The following OR5M3 variants were observed in gnomAD, a reference collection of about 807,000 sequenced individuals.
The protein encoded by OR5M3 is olfactory receptor family 5 subfamily M member 3, also known as olfactory receptor 5M3.
For missense variants in OR5M3, 384 were observed against 378.6 expected (o/e 1.01, Z -0.12); for synonymous variants, 129 against 131.3 (o/e 0.98, Z 0.12).
At chr11:56,472,118 A>G (rs1305172104) in intron 1 of OR5M3, among the ~76,000 whole-genome samples, 1 of 152,082 alleles carries the variant, frequency 6.6e-6, no homozygotes, top group African/African-American at 2.4e-5. Context: ...ACATTTTTCT[A>G]TGACTAGAGG....
At chr11:56,472,120 G>A (rs1337796955) in intron 1 of OR5M3, among the ~76,000 whole-genome samples, 1 of 152,002 alleles carries the variant, frequency 6.6e-6, no homozygotes, top group East Asian at 1.9e-4. Flanking sequence ...ATTTTTCTAT[G>A]ACTAGAGGAG....
rs1853644237 is a variant in OR5M3 at position 56,469,782 on chromosome 11, C to A, written c.716G>T (p.Cys239Phe). The change falls in exon 2 of 2, where the codon TGT becomes TTT. Residue 239 changes from cysteine (C) to phenylalanine (F), a missense_variant. Coordinates refer to ENST00000641993, the MANE Select transcript of OR5M3 (RefSeq NM_001004742.3). The stretch of plus-strand genomic sequence containing the variant: ...AATGACAGCTGTCAGATGGGACCCA[C>A]ATGTGGAAAAGGCCTTCTGCCTTCC... ...AEGRQKAFST[C>F]GSHLTAVIIF... 6.2e-7 allele frequency: 1 copy of A among 1,612,754 alleles called. No individual in the cohort carries two copies. The highest frequency in any genetic ancestry group is 8.5e-7 in the Non-Finnish European group (1 of 1,179,116).
chr11:56,469,816 A>G lies in OR5M3; in HGVS notation c.682T>C (p.Ser228Pro). ...AAGGCCTTCTGCCTTCCTTCTGCTG[A>G]GCGCATTCGCAGAATGGCAATGAGG... ...FILIAILRMR[S>P]AEGRQKAFST... The change falls in exon 2 of 2, where the codon TCA (serine) becomes CCA (proline). Residue 228 changes from serine to proline, a missense_variant. Transcript: ENST00000641993. 6.2e-7 allele frequency: 1 copy of G among 1,611,102 alleles called. No homozygotes were observed. The highest frequency in any genetic ancestry group is 8.5e-7 in the Non-Finnish European group (1 of 1,177,298).
Position 56,470,427 on chromosome 11 carries a change from A to G in OR5M3, c.71T>C (p.Leu24Pro), listed in dbSNP as rs1249828710. The change falls in exon 2 of 2, where the codon CTC becomes CCC. Residue 24 changes from leucine to proline, a missense_variant. By Grantham distance (98) the Leu-to-Pro change is moderately conservative. Coordinates refer to ENST00000641993, the MANE Select transcript of OR5M3 (RefSeq NM_001004742.3). ...GLTSRREWQV[L>P]FFIIFLVVYI... Reference sequence around the variant, plus strand: ...GACCACAAGAAAGATGATGAAGAAGAGAACTTGCCATTCTCGACGGCTCGT... The same window carrying G: ...GACCACAAGAAAGATGATGAAGAAGGGAACTTGCCATTCTCGACGGCTCGT... The G allele has an allele frequency of 1.9e-5, 30 of 1,613,018 alleles. No homozygotes were observed. Among genetic ancestry groups the G allele is most frequent in the African/African-American group, 2.7e-5 (2 of 74,878 alleles).
At chr11:56,472,241 T>A (rs541314489) in intron 1 of OR5M3, among the ~76,000 whole-genome samples, 13 of 152,070 alleles carry the variant, frequency 8.5e-5, no homozygotes, top group Admixed American at 4.6e-4. Context: ...TGAATAATAG[T>A]TAAAGTTCTA....
Position 56,470,220 on chromosome 11 carries a change from G to C in OR5M3, c.278C>G (p.Ala93Gly), listed in dbSNP as rs765257500. The C allele has an allele frequency of 5.0e-6, 8 of 1,613,624 alleles. No individual in the cohort carries two copies. In the South Asian group the frequency reaches 8.8e-5, roughly 18 times the overall value. Residue 93 changes from alanine (A) to glycine (G), a missense_variant, in exon 2 of 2, where the codon GCT (alanine) becomes GGT (glycine). By Grantham distance (60) the Ala-to-Gly change is moderately conservative. Transcript: ENST00000641993. ...LLSDKKTITY[A>G]GCLVQCFFFI... ...GAAGAAACACTGTACTAAACAACCAGCATAAGTAATTGTTTTTTTATCTGA... is the reference window on the plus strand; with the variant it reads ...GAAGAAACACTGTACTAAACAACCACCATAAGTAATTGTTTTTTTATCTGA...
chr11:56,469,397 TACTC>T lies in OR5M3; in HGVS notation c.*173_*176del, dbSNP rs1413173029. Reference sequence around the variant, plus strand: ...CTTATTTGTATGTAATTAATCTCCATACTCACATCAACAGAAATGAATCATTCCT... The same window carrying T: ...CTTATTTGTATGTAATTAATCTCCATACATCAACAGAAATGAATCATTCCT... On this transcript the variant is annotated 3_prime_UTR_variant, in exon 2 of 2. Transcript: ENST00000641993. 4.1e-6 allele frequency: 2 copies of T among 492,482 alleles called. No homozygotes were observed. Among genetic ancestry groups the T allele is most frequent in the African/African-American group, 3.9e-5 (2 of 50,756 alleles). The allele number at this position is 492,482 out of a possible 1,614,324, so 30.5% of individuals were successfully genotyped here.
chr11:56,471,666 T>C (rs1397225176), intron 1 of OR5M3, among the ~76,000 whole-genome samples: 1 of 151,818 alleles, frequency 6.6e-6, no homozygotes, highest in African/African-American at 2.4e-5. Flanking sequence ...TATACATATG[T>C]ATATATATAC....
rs1261721458 is a variant in OR5M3 at position 56,469,912 on chromosome 11, T to C, written c.586A>G (p.Thr196Ala). 4 of 1,612,684 alleles carry C rather than the reference T, an allele frequency of 2.5e-6. No individual in the cohort carries two copies. The highest frequency in any genetic ancestry group is 1.3e-5 in the African/African-American group (1 of 74,898). Residue 196 changes from threonine (T) to alanine (A), a missense_variant, in exon 2 of 2, where the codon ACA becomes GCA. By Grantham distance (58) the Thr-to-Ala change is moderately conservative. Coordinates refer to ENST00000641993, the MANE Select transcript of OR5M3 (RefSeq NM_001004742.3). ...TTAATGCCGGCAAGTATGATCATTG[T>C]ATATTCTTTTACAAAGGTCCCAGCA... Reference protein sequence around the residue: ...ACAGTFVKEYTMIILAGINFT... With the variant: ...ACAGTFVKEYAMIILAGINFT...
chr11:56,469,616 A>G lies in OR5M3; in HGVS notation c.882T>C (p.Asp294=). The change falls in exon 2 of 2, where the codon GAT becomes GAC. Residue 294 remains aspartate, a synonymous_variant. Coordinates refer to ENST00000641993, the MANE Select transcript of OR5M3 (RefSeq NM_001004742.3). The stretch of plus-strand genomic sequence containing the variant: ...TCACTTTCATCATGGCCTTTTTCAC[A>G]TCCTTGTTCCTCAGACTGTAGATCA... ...NPMIYSLRNK[D]VKKAMMKVIS... 6.6e-7 allele frequency: 1 copy of G among 1,516,476 alleles called. No individual in the cohort carries two copies. The allele number at this position is 1,516,476 out of a possible 1,614,324, so 93.9% of individuals were successfully genotyped here.
rs1853644237 is a variant in OR5M3, at chr11:56,469,782, C to T, written c.716G>A (p.Cys239Tyr). 1 of 1,612,754 alleles carries T rather than the reference C, an allele frequency of 6.2e-7. No homozygotes were observed. The highest frequency in any genetic ancestry group is 8.5e-7 in the Non-Finnish European group (1 of 1,179,116). Residue 239 changes from cysteine (C) to tyrosine (Y), a missense_variant, in exon 2 of 2, where the codon TGT becomes TAT. Coordinates refer to ENST00000641993, the MANE Select transcript of OR5M3 (RefSeq NM_001004742.3). ...AATGACAGCTGTCAGATGGGACCCA[C>T]ATGTGGAAAAGGCCTTCTGCCTTCC... is the stretch of plus-strand genomic sequence containing the variant. ...AEGRQKAFST[C>Y]GSHLTAVIIF... is the part of the protein sequence containing the mutation.
At chr11:56,470,628 C>T (rs1222780971) in intron 1 of OR5M3, 87 bp from the exon 2 acceptor site, 16 of 534,594 alleles carry the variant, frequency 3.0e-5, no homozygotes, top group Non-Finnish European at 4.5e-5. Flanking sequence ...TATTAGCACA[C>T]TTTGCATTCT....
chr11:56,469,930 T>A lies in OR5M3; in HGVS notation c.568A>T (p.Thr190Ser), dbSNP rs531921646. 80 of 1,612,626 alleles carry A rather than the reference T, an allele frequency of 5.0e-5. No individual in the cohort carries two copies. The South Asian group carries it at 8.6e-4, about 17-fold the overall frequency. The part of the protein sequence containing the change: ...PPLIKMACAG[T>S]FVKEYTMIIL... ...ATCATTGTATATTCTTTTACAAAGG[T>A]CCCAGCACAGGCCATTTTGATGAGA... The change falls in exon 2 of 2, where the codon ACC (threonine) becomes TCC (serine). Residue 190 changes from threonine to serine, a missense_variant. Transcript: ENST00000641993.
chr11:56,470,138 T>A lies in OR5M3; in HGVS notation c.360A>T (p.Arg120Ser), dbSNP rs1271751951. Residue 120 changes from arginine (R) to serine (S), a missense_variant, in exon 2 of 2, where the codon AGA becomes AGT. By Grantham distance (110) the Arg-to-Ser change is moderately radical. Transcript: ENST00000641993. Reference sequence around the variant, plus strand: ...GCAGAGGATTCCCAATTGCCATGTATCTATCAAAGGCCATCGCAGCAAGAA... The same window carrying A: ...GCAGAGGATTCCCAATTGCCATGTAACTATCAAAGGCCATCGCAGCAAGAA... ...IFILAAMAFD[R>S]YMAIGNPLLY... 3 of 1,604,446 alleles carry A rather than the reference T, an allele frequency of 1.9e-6. No individual in the cohort carries two copies. The African/African-American group carries it at 4.0e-5, about 21-fold the overall frequency.
In OR5M3 at chr11:56,469,455, T is replaced by G. The variant is rs766091062; in HGVS notation, c.*119A>C. On this transcript the variant is annotated 3_prime_UTR_variant, in exon 2 of 2. Coordinates refer to ENST00000641993, the MANE Select transcript of OR5M3 (RefSeq NM_001004742.3). ...TATATTTTCTCAATTTGTACCACTTTTATTTTTCTTTTCAACCCACAGAAT... is the reference window on the plus strand; with the variant it reads ...TATATTTTCTCAATTTGTACCACTTGTATTTTTCTTTTCAACCCACAGAAT... 1.6e-5 allele frequency: 9 copies of G among 578,184 alleles called. No individual in the cohort carries two copies. The highest frequency in any genetic ancestry group is 3.1e-5 in the South Asian group (1 of 31,780). 35.8% of individuals were successfully genotyped at this position (578,184 alleles called of 1,614,324 possible). A position where few individuals can be genotyped will look rare whatever the true frequency, so the allele number is the denominator to read the frequency against.
chr11:56,472,811 T>C (rs540219414), intron 1 of OR5M3, among the ~76,000 whole-genome samples: 1 of 152,190 alleles, frequency 6.6e-6, no homozygotes, highest in South Asian at 2.1e-4. Flanking sequence ...ATATTAAGTA[T>C]CCTAGTTAAA....
chr11:56,471,607 T>C (rs1853667970), intron 1 of OR5M3, among the ~76,000 whole-genome samples: 2 of 151,886 alleles, frequency 1.3e-5, no homozygotes, highest in Non-Finnish European at 2.9e-5. Flanking sequence ...ACATCATTCA[T>C]TTAACATAGA....
Position 56,469,727 on chromosome 11 carries a change from A to T in OR5M3, c.771T>A (p.Tyr257Ter), listed in dbSNP as rs1443908474. ...IIFYGTLIFM[Y>*]LRRPTEESVE... ...CAGACTCCTCTGTGGGACGTCTGAGATACATGAAGATCAGAGTACCATAGA... is the reference window on the plus strand; with the variant it reads ...CAGACTCCTCTGTGGGACGTCTGAGTTACATGAAGATCAGAGTACCATAGA... Residue 257 changes from tyrosine to a stop codon, truncating the protein, a stop_gained, in exon 2 of 2, where the codon TAT becomes TAA. Coordinates refer to ENST00000641993, the MANE Select transcript of OR5M3 (RefSeq NM_001004742.3). LOFTEE classifies it low-confidence loss of function (END_TRUNC). 1 of 1,612,536 alleles carries T rather than the reference A, an allele frequency of 6.2e-7. No homozygotes were observed. The highest frequency in any genetic ancestry group is 1.1e-5 in the South Asian group (1 of 90,952).
In OR5M3 at chr11:56,470,443, G is replaced by A. The variant is rs1461011219; in HGVS notation, c.55C>T (p.Arg19Ter). The A allele has an allele frequency of 8.1e-6, 13 of 1,611,650 alleles. No homozygotes were observed. Among genetic ancestry groups the A allele is most frequent in the Admixed American group, 1.7e-5 (1 of 59,622 alleles). ...EFILLGLTSR[R>*]EWQVLFFIIF... ...ATGAAGAAGAGAACTTGCCATTCTCGACGGCTCGTTAGCCCCAAAAGAATG... is the reference window on the plus strand; with the variant it reads ...ATGAAGAAGAGAACTTGCCATTCTCAACGGCTCGTTAGCCCCAAAAGAATG... Residue 19 changes from arginine to a stop codon, truncating the protein, a stop_gained, in exon 2 of 2, where the codon CGA (arginine) becomes TGA (stop). Transcript: ENST00000641993. LOFTEE classifies it low-confidence loss of function (END_TRUNC).
Sources: allele counts gnomAD v4.1 joint callset (sites outside exome capture counted in the v4.1 genomes callset), GRCh38; gene constraint gnomAD v4.1.1; transcripts MANE v1.5; gene names NCBI Gene and HGNC (gene_info 2026-07-23, HGNC 2026-07-21).